Variants in UTS2B observed in about 807,000 individuals in gnomAD.
The protein encoded by UTS2B is urotensin-2B.
UTS2B carries 21 observed loss-of-function variants against 19.2 expected under a neutral mutation model. The ratio of observed to expected loss-of-function variants is 1.09; its 90% confidence interval spans 0.78 to 1.58. The LOEUF is 1.58. Ranked by LOEUF, UTS2B falls within the 40% of genes most tolerant of loss-of-function variation. The probability of loss-of-function intolerance (pLI) is 0.00; values close to 1 mark genes in which losing one functional copy is unlikely to be tolerated. For synonymous variants in UTS2B, 57 were observed against 50.2 expected, an observed-to-expected ratio of 1.14 and a Z score of -0.58; for missense variants, 138 against 130.3, an observed-to-expected ratio of 1.06 and a Z score of -0.29.
At chr3:191,270,469 A>T (rs1716057608) in intron 8 of UTS2B, among the ~76,000 whole-genome samples, 1 of 152,168 alleles carries the variant, frequency 6.6e-6, no homozygotes, top group African/African-American at 2.4e-5. Flanking sequence ...AAGTAGTGGG[A>T]TTGCAGGTGT....
At chr3:191,339,500 C>T in the UTS2B span, among the ~76,000 whole-genome samples, 1 of 152,088 alleles carries the variant, frequency 6.6e-6, no homozygotes, top group East Asian at 1.9e-4. Flanking sequence ...CTTTCATTTC[C>T]TCTGCAGAGG....
At chr3:191,321,035 G>A (rs988704130) in intron 2 of UTS2B, among the ~76,000 whole-genome samples, 2 of 152,188 alleles carry the variant, frequency 1.3e-5, no homozygotes, top group Admixed American at 6.5e-5. Context: ...AGCTTCATGC[G>A]ACATTATTCC....
intron 1 of UTS2B, chr3:191,329,339 C>A (rs1265668061): frequency 7.0e-6 from 2 of 285,572 alleles, no homozygotes; most frequent in Non-Finnish European, 1.3e-5. Flanking sequence ...CTCCCCCAGC[C>A]GGCCCGCCCG....
chr3:191,282,214 C>T lies in UTS2B; in HGVS notation c.-25G>A. On this transcript the variant is annotated 5_prime_UTR_variant, in exon 5 of 9. Coordinates refer to ENST00000340524, the MANE Select transcript of UTS2B (RefSeq NM_198152.5). ...TGTTAAAAAAAACCTTCTGGACTAG[C>T]AAAGAAACAGACTTTCCAGGTCAAG... 3 of 1,553,848 alleles carry T rather than the reference C, an allele frequency of 1.9e-6. No homozygotes were observed. The highest frequency in any genetic ancestry group is 2.6e-6 in the Non-Finnish European group (3 of 1,134,302).
the UTS2B span, among the ~76,000 whole-genome samples, chr3:191,338,867 A>C: frequency 4.3e-3 from 655 of 152,348 alleles, 4 homozygotes; most frequent in African/African-American, 0.015. Context: ...TTTTAATTAT[A>C]TAAGATGCTG....
At chr3:191,278,272 A>G in intron 5 of UTS2B, 102 bp from the exon 6 acceptor site, 1 of 605,846 alleles carries the variant, frequency 1.7e-6, no homozygotes, top group Non-Finnish European at 2.8e-6. Flanking sequence ...TTGACAACGA[A>G]AGAAATGTAG....
intron 3 of UTS2B, among the ~76,000 whole-genome samples, chr3:191,306,779 G>A (rs890440267): frequency 6.0e-4 from 91 of 152,198 alleles, no homozygotes; most frequent in African/African-American, 2.1e-3. Context: ...GGTTTCAGAC[G>A]CACACCACCA....
intron 8 of UTS2B, among the ~76,000 whole-genome samples, chr3:191,272,930 CA>C (rs1487930917): frequency 2.0e-5 from 3 of 147,012 alleles, no homozygotes; most frequent in Non-Finnish European, 4.5e-5. Flanking sequence ...TTTGAGAGCT[CA>C]AGGCAGGTGG....
At chr3:191,284,215 T>C (rs1381862855) in intron 4 of UTS2B, among the ~76,000 whole-genome samples, 3 of 152,212 alleles carry the variant, frequency 2.0e-5, no homozygotes, top group Non-Finnish European at 2.9e-5. Context: ...AAAGTGTTGA[T>C]GTAAACTGAA....
intron 1 of UTS2B, chr3:191,329,367 T>G (rs1020024842): frequency 3.0e-6 from 1 of 330,882 alleles, no homozygotes; most frequent in African/African-American, 2.2e-5. Flanking sequence ...GTCTCCTCTC[T>G]CCCTCCGTAC....
chr3:191,284,019 T>A (rs1479429700), intron 4 of UTS2B, among the ~76,000 whole-genome samples: 2 of 152,120 alleles, frequency 1.3e-5, no homozygotes, highest in East Asian at 3.8e-4. Context: ...GATTGTATAA[T>A]TACAAGTCAT....
At position 191,278,169 on chromosome 3, in the gene UTS2B, T is replaced by A; in HGVS notation, c.105A>T (p.Gly35=). Residue 35 remains glycine (G), a splice_region_variant and synonymous_variant, in exon 6 of 9, where the codon GGA becomes GGT. Transcript: ENST00000340524. ...SVHGRPYLTQ[G]NEIFPDKKYT... ...ATTTTTTATCTGGAAATATTTCATTTCCTATAATGATCAAAAACCACCATT... is the reference window on the plus strand; with the variant it reads ...ATTTTTTATCTGGAAATATTTCATTACCTATAATGATCAAAAACCACCATT... 3 of 1,492,338 alleles carry A rather than the reference T, an allele frequency of 2.0e-6. No individual in the cohort carries two copies. Among genetic ancestry groups the A allele is most frequent in the Non-Finnish European group, 2.7e-6 (3 of 1,105,268 alleles). The allele number at this position is 1,492,338 out of a possible 1,614,324, so 92.4% of individuals were successfully genotyped here. A position where few individuals can be genotyped will look rare whatever the true frequency, so the allele number is the denominator to read the frequency against.
chr3:191,303,859 C>G (rs567098694), intron 4 of UTS2B, among the ~76,000 whole-genome samples: 1 of 103,226 alleles, frequency 9.7e-6, no homozygotes, highest in South Asian at 2.9e-4. Flanking sequence ...AATCTGGCCA[C>G]GCAGATGTGG....
chr3:191,343,108 A>AT, the UTS2B span, among the ~76,000 whole-genome samples: 1 of 152,176 alleles, frequency 6.6e-6, no homozygotes. Context: ...GGGACTTTTC[A>AT]TATACCTGAG....
At chr3:191,273,573 T>C (rs1201589496) in intron 8 of UTS2B, 2 of 456,604 alleles carry the variant, frequency 4.4e-6, no homozygotes, top group South Asian at 1.5e-5. Context: ...GGCTACAGAA[T>C]AGAGTGGTGC....
At chr3:191,323,035 C>A (rs1460884275) in intron 2 of UTS2B, among the ~76,000 whole-genome samples, 4 of 152,206 alleles carry the variant, frequency 2.6e-5, no homozygotes, top group Non-Finnish European at 4.4e-5. Context: ...TATCACTCAA[C>A]TATCCAGAGT....
chr3:191,327,818 C>T (rs1453495479), intron 2 of UTS2B, among the ~76,000 whole-genome samples: 2 of 152,106 alleles, frequency 1.3e-5, no homozygotes, highest in Non-Finnish European at 2.9e-5. Context: ...CTCTAGACCA[C>T]AGGAAGTTAA....
intron 3 of UTS2B, among the ~76,000 whole-genome samples, chr3:191,313,617 A>G (rs564211972): frequency 2.6e-4 from 40 of 152,236 alleles, no homozygotes; most frequent in Non-Finnish European, 4.4e-5. Flanking sequence ...TAAATTTGTC[A>G]TACTGTCTGC....
intron 2 of UTS2B, among the ~76,000 whole-genome samples, chr3:191,318,328 T>C (rs918321546): frequency 1.3e-5 from 2 of 152,194 alleles, no homozygotes; most frequent in African/African-American, 4.8e-5. Context: ...CTTGAGGAAA[T>C]CTCATAAATC....
Sources: gnomAD v4.1 joint callset for allele counts (sites outside exome capture counted in the v4.1 genomes callset) on GRCh38, gnomAD v4.1.1 for gene constraint, MANE v1.5 for transcripts, NCBI Gene and HGNC (gene_info 2026-07-23, HGNC 2026-07-21) for gene names.